ERAP1: variants seen among roughly 807,000 people sequenced by gnomAD.
The protein encoded by ERAP1 is adipocyte-derived leucine aminopeptidase.
ERAP1 carries 86 observed loss-of-function variants against 103.7 expected under a neutral mutation model. The observed-to-expected ratio is 0.83, with a 90% CI of 0.70 to 0.99. ERAP1 has a LOEUF of 0.99. ERAP1 is among the 50% of genes least tolerant of loss of function. The pLI is 0.00. For missense variants in ERAP1, 1,009 were observed against 1,128.4 expected (o/e 0.89, Z 1.52); for synonymous variants, 398 against 402.4 (o/e 0.99, Z 0.13).
At chr5:96,840,764 G>A in the ERAP1 span, among the ~76,000 whole-genome samples, 3 of 151,352 alleles carry the variant, frequency 2.0e-5, no homozygotes, top group African/African-American at 4.9e-5. Context: ...GGAGTGCAGT[G>A]GCATGATCTC....
chr5:96,895,313 A>G, the ERAP1 span: 189 of 1,612,946 alleles, frequency 1.2e-4, 1 homozygote, highest in Admixed American at 5.7e-4. Context: ...TTTGCAAAAT[A>G]CATGGAACTT....
upstream of ERAP1, among the ~76,000 whole-genome samples, chr5:96,808,405 G>C (rs979045961): frequency 1.3e-5 from 2 of 151,920 alleles, no homozygotes; most frequent in Admixed American, 1.3e-4. Context: ...AGACGCGTTC[G>C]ACGCCCATTG....
rs894255469 is a variant in ERAP1, at chr5:96,775,437, A to G, written c.*959T>C. On this transcript the variant is annotated 3_prime_UTR_variant, in exon 19 of 19. Coordinates refer to ENST00000443439, the MANE Select transcript of ERAP1 (RefSeq NM_001040458.3). ...AGGCCAAATAAGAAGCAGAGAGAGA[A>G]AAAAAATCACCTCCCTAAGAAAAGG... is the stretch of plus-strand genomic sequence containing the variant. 6.1e-6 allele frequency: 6 copies of G among 985,456 alleles called. No homozygotes were observed. The African/African-American group carries it at 8.7e-5, about 14-fold the overall frequency. 61.0% of individuals were successfully genotyped at this position (985,456 alleles called of 1,614,324 possible).
the ERAP1 span, among the ~76,000 whole-genome samples, chr5:96,899,084 T>C: frequency 1.3e-5 from 2 of 152,312 alleles, no homozygotes; most frequent in East Asian, 3.9e-4. Context: ...AATTCCTGTG[T>C]TATTTTTTGT....
At chr5:96,857,259 AAAGC>A in the ERAP1 span, among the ~76,000 whole-genome samples, 4 of 152,144 alleles carry the variant, frequency 2.6e-5, no homozygotes, top group Admixed American at 2.6e-4. Flanking sequence ...ATGTGCTCTT[AAAGC>A]TTCTTACCTT....
At chr5:96,907,435 T>G in the ERAP1 span, among the ~76,000 whole-genome samples, 2 of 152,334 alleles carry the variant, frequency 1.3e-5, no homozygotes, top group African/African-American at 4.8e-5. Flanking sequence ...TAATATAAAG[T>G]AGTTTTAATA....
chr5:96,882,125 C>T, the ERAP1 span, among the ~76,000 whole-genome samples: 1 of 152,218 alleles, frequency 6.6e-6, no homozygotes, highest in African/African-American at 2.4e-5. Context: ...GACACTTCCC[C>T]TCATTGCAGC....
chr5:96,927,193 A>G, the ERAP1 span, among the ~76,000 whole-genome samples: 1 of 152,228 alleles, frequency 6.6e-6, no homozygotes, highest in Non-Finnish European at 1.5e-5. Flanking sequence ...GCTGGATCAC[A>G]TGGTAACTGT....
the ERAP1 span, among the ~76,000 whole-genome samples, chr5:96,893,852 C>T: frequency 6.6e-6 from 1 of 152,160 alleles, no homozygotes; most frequent in Non-Finnish European, 1.5e-5. Flanking sequence ...CATCTCTTGC[C>T]TACACCTAAG....
chr5:96,890,624 C>T, the ERAP1 span, among the ~76,000 whole-genome samples: 1 of 152,156 alleles, frequency 6.6e-6, no homozygotes, highest in Admixed American at 6.5e-5. Context: ...TACTTCTTAT[C>T]CTGTCCTTTT....
At position 96,803,999 on chromosome 5, in the gene ERAP1, C is replaced by G. The variant is rs780862398; in HGVS notation, c.-17-56G>C. The G allele has an allele frequency of 1.2e-4, 185 of 1,559,274 alleles. 1 individual carries two copies. The highest frequency in any genetic ancestry group is 1.6e-4 in the Non-Finnish European group (181 of 1,148,414). On this transcript the variant is annotated intron_variant, in intron 1 of 18. Transcript: ENST00000443439. The stretch of plus-strand genomic sequence containing the variant: ...ATATGTCATTAAAATGTTATTGACA[C>G]AGCATAATTTCAGAATGTATCCACC...
chr5:96,792,011 T>C, intron 8 of ERAP1, 50 bp downstream of exon 8: 2 of 1,602,436 alleles, frequency 1.2e-6, no homozygotes, highest in South Asian at 1.1e-5. Flanking sequence ...CACCCCAGTA[T>C]GTATAACTTT....
chr5:96,887,306 T>C, the ERAP1 span, among the ~76,000 whole-genome samples: 7 of 150,040 alleles, frequency 4.7e-5, no homozygotes, highest in African/African-American at 2.4e-5. Context: ...TTTCCGACTT[T>C]TTTTTTTTTT....
At chr5:96,901,767 C>T in the ERAP1 span, 1 of 1,356,178 alleles carries the variant, frequency 7.4e-7, no homozygotes, top group Non-Finnish European at 1.0e-6. Context: ...CATCTGGCAA[C>T]TTTGTAGGAT....
At chr5:96,877,631 A>C in the ERAP1 span, among the ~76,000 whole-genome samples, 1 of 152,238 alleles carries the variant, frequency 6.6e-6, no homozygotes, top group South Asian at 2.1e-4. Context: ...CAAAAAGTAA[A>C]AAACTTTGCC....
chr5:96,896,996 T>C, the ERAP1 span: 33,121 of 269,654 alleles, frequency 0.12, 1,979 homozygotes, highest in Middle Eastern at 0.29. Context: ...TCATGGTCTA[T>C]AGAAGGCAGC....
At chr5:96,776,787 T>A in intron 18 of ERAP1, 1 of 545,172 alleles carries the variant, frequency 1.8e-6, no homozygotes, top group Non-Finnish European at 3.2e-6. Flanking sequence ...TGCCAGACTT[T>A]AAAAGACTTC....
chr5:96,847,535 G>C, the ERAP1 span, among the ~76,000 whole-genome samples: 2 of 152,246 alleles, frequency 1.3e-5, no homozygotes, highest in South Asian at 2.1e-4. Context: ...TACTTCTCAA[G>C]TGCACATAAA....
chr5:96,797,168 G>A lies in ERAP1; in HGVS notation c.798+7C>T, dbSNP rs1420378586. ...CTGGTCACCATATGTGACAGTCATA[G>A]GCTCACCTTGACTCCACTCTTGGTT... On this transcript the variant is annotated splice_region_variant and intron_variant, in intron 4 of 18. Transcript: ENST00000443439. 2 of 1,614,010 alleles carry A rather than the reference G, an allele frequency of 1.2e-6. No individual in the cohort carries two copies. The highest frequency in any genetic ancestry group is 3.3e-5 in the Admixed American group (2 of 60,012).
Sources: allele counts gnomAD v4.1 joint callset (sites outside exome capture counted in the v4.1 genomes callset), GRCh38; gene constraint gnomAD v4.1.1; transcripts MANE v1.5; gene names NCBI Gene and HGNC (gene_info 2026-07-23, HGNC 2026-07-21).